Variants in SHISA9 observed in about 807,000 individuals in gnomAD.
SHISA9 encodes shisa family member 9, also known as protein shisa-9.
A neutral mutation model predicts 38.0 loss-of-function variants in SHISA9; 13 were observed. The ratio of observed to expected loss-of-function variants is 0.34; its 90% CI spans 0.22 to 0.54. SHISA9 has a LOEUF of 0.54. Among genes scored for constraint, SHISA9 ranks in the 20% least tolerant of loss-of-function variants. The probability of loss-of-function intolerance (pLI) is 0.91; values close to 1 mark genes in which losing one functional copy is unlikely to be tolerated. For synonymous variants in SHISA9, 275 were observed against 242.0 expected, an observed-to-expected ratio of 1.14 and a Z score of -1.27; for missense variants, 538 against 575.8, an observed-to-expected ratio of 0.93 and a Z score of 0.67.
At chr16:13,401,599 G>A in the SHISA9 span, among the ~76,000 whole-genome samples, 2 of 152,268 alleles carry the variant, frequency 1.3e-5, no homozygotes, top group East Asian at 3.9e-4. Context: ...CTTATAAGAA[G>A]AGAAAGAGAC....
At chr16:13,434,659 C>G in the SHISA9 span, among the ~76,000 whole-genome samples, 34 of 152,144 alleles carry the variant, frequency 2.2e-4, no homozygotes, top group African/African-American at 7.0e-4. Context: ...ACCTCGTGAT[C>G]CGCCCACCTC....
the SHISA9 span, among the ~76,000 whole-genome samples, chr16:13,365,436 C>G: frequency 6.6e-6 from 1 of 151,076 alleles, no homozygotes; most frequent in Non-Finnish European, 1.5e-5. Flanking sequence ...TCTTAACTCT[C>G]CTACAGAGAG....
At chr16:13,188,865 T>TTTATCTGGGG (rs113045815) in intron 2 of SHISA9, among the ~76,000 whole-genome samples, 1 of 152,050 alleles carries the variant, frequency 6.6e-6, no homozygotes, top group African/African-American at 2.4e-5. Flanking sequence ...AGAATGTGAC[T>TTTATCTGGGG]TAACTGCAGA....
At chr16:13,385,809 T>C in the SHISA9 span, among the ~76,000 whole-genome samples, 26 of 152,308 alleles carry the variant, frequency 1.7e-4, no homozygotes, top group Admixed American at 1.4e-3. Flanking sequence ...CATGAAATAC[T>C]ACTCAGCAAT....
the SHISA9 span, among the ~76,000 whole-genome samples, chr16:13,345,944 G>T: frequency 8.8e-5 from 12 of 137,106 alleles, no homozygotes; most frequent in Admixed American, 1.6e-4. Flanking sequence ...TTCTTTATGG[G>T]GTTGTTTTAC....
At chr16:13,268,128 G>A in the SHISA9 span, among the ~76,000 whole-genome samples, 1 of 152,022 alleles carries the variant, frequency 6.6e-6, no homozygotes, top group Non-Finnish European at 1.5e-5. Flanking sequence ...ATTCTATTGT[G>A]ATCAAATCAA....
intron 2 of SHISA9, among the ~76,000 whole-genome samples, chr16:13,130,484 ACCACATCCTTATATT>A (rs2050297251): frequency 6.6e-6 from 1 of 152,172 alleles, no homozygotes. Flanking sequence ...TAATATTGAT[ACCACATCCTTATATT>A]TCTTGGTACT....
intron 2 of SHISA9, among the ~76,000 whole-genome samples, chr16:13,060,019 C>T (rs768523078): frequency 6.6e-6 from 1 of 152,148 alleles, no homozygotes; most frequent in Non-Finnish European, 1.5e-5. Context: ...CAAATACAGG[C>T]AGTAATTCTG....
the SHISA9 span, among the ~76,000 whole-genome samples, chr16:13,265,016 C>T: frequency 7.0e-6 from 1 of 142,544 alleles, no homozygotes; most frequent in South Asian, 2.4e-4. Flanking sequence ...TCTCCTCTTC[C>T]TGTCCCTCTG....
chr16:13,367,706 GCGCGCGCACACACACA>G, the SHISA9 span, among the ~76,000 whole-genome samples: 1 of 115,612 alleles, frequency 8.6e-6, no homozygotes, highest in South Asian at 3.1e-4. Flanking sequence ...GTGCGCGCGC[GCGCGCGCACACACACA>G]CACACACACA....
At chr16:13,292,692 T>C in the SHISA9 span, among the ~76,000 whole-genome samples, 1 of 152,082 alleles carries the variant, frequency 6.6e-6, no homozygotes, top group Non-Finnish European at 1.5e-5. Flanking sequence ...AAAAGAAGTC[T>C]TATCTTCAAT....
the SHISA9 span, among the ~76,000 whole-genome samples, chr16:13,279,912 T>C: frequency 6.6e-5 from 10 of 151,936 alleles, no homozygotes; most frequent in Non-Finnish European, 8.8e-5. Flanking sequence ...TATAGGTTTT[T>C]CAATACATAC....
At chr16:12,980,732 AT>A (rs1340748342) in intron 2 of SHISA9, among the ~76,000 whole-genome samples, 2 of 150,204 alleles carry the variant, frequency 1.3e-5, no homozygotes, top group African/African-American at 2.5e-5. Context: ...TTTACCTTTA[AT>A]TTTTTTTCTA....
At chr16:13,260,450 C>T in the SHISA9 span, among the ~76,000 whole-genome samples, 2 of 152,140 alleles carry the variant, frequency 1.3e-5, no homozygotes, top group Non-Finnish European at 2.9e-5. Context: ...AAATTTCTTC[C>T]CTGAGATACC....
At chr16:13,349,653 A>G in the SHISA9 span, among the ~76,000 whole-genome samples, 1 of 152,236 alleles carries the variant, frequency 6.6e-6, no homozygotes, top group Non-Finnish European at 1.5e-5. Context: ...TACTGAAAGC[A>G]TGAAACAACT....
intron 2 of SHISA9, among the ~76,000 whole-genome samples, chr16:13,112,661 C>T (rs1053864218): frequency 1.3e-5 from 2 of 151,832 alleles, no homozygotes; most frequent in Non-Finnish European, 2.9e-5. Flanking sequence ...AAAGACCAGT[C>T]AAGGGGTTCT....
At chr16:13,364,792 G>T in the SHISA9 span, among the ~76,000 whole-genome samples, 56 of 152,292 alleles carry the variant, frequency 3.7e-4, no homozygotes, top group South Asian at 3.5e-3. Context: ...AAGTATCTGT[G>T]TTCAGCTAAT....
chr16:13,537,448 GA>G, the SHISA9 span, among the ~76,000 whole-genome samples: 16 of 151,414 alleles, frequency 1.1e-4, no homozygotes, highest in African/African-American at 3.9e-4. Flanking sequence ...AAGAAAGAAA[GA>G]AAAAATTTTA....
intron 2 of SHISA9, among the ~76,000 whole-genome samples, chr16:12,920,972 A>G (rs2071320596): frequency 1.3e-5 from 2 of 152,208 alleles, no homozygotes; most frequent in Admixed American, 6.5e-5. Flanking sequence ...AGCGATTACA[A>G]AGACTTTACT....
Sources: gnomAD v4.1 joint callset for allele counts (sites outside exome capture counted in the v4.1 genomes callset) on GRCh38, gnomAD v4.1.1 for gene constraint, MANE v1.5 for transcripts, NCBI Gene and HGNC (gene_info 2026-07-23, HGNC 2026-07-21) for gene names.